The following FRMPD4 variants were observed in gnomAD, a reference collection of about 807,000 sequenced individuals.
FRMPD4 encodes FERM and PDZ domain-containing protein 4.
Under a neutral mutation model 94.1 loss-of-function variants are expected in FRMPD4, and 22 were observed. That is an observed-to-expected ratio of 0.23 (90% CI 0.17 to 0.33). The LOEUF is 0.33. Ranked by LOEUF, FRMPD4 falls within the 10% of genes least tolerant of loss-of-function variation. FRMPD4 has a pLI of 1.00. For synonymous variants in FRMPD4, 631 were observed against 548.6 expected (o/e 1.15, Z -2.10); for missense variants, 1,111 against 1,339.9 (o/e 0.83, Z 2.67).
intron 3 of FRMPD4, among the ~76,000 whole-genome samples, chrX:12,082,378 C>T (rs1195370581): frequency 8.9e-5 from 10 of 111,983 alleles, no homozygotes. Flanking sequence ...TCTCTTGCTA[C>T]TACCATGTAA....
At chrX:12,592,499 T>C (rs2058992593) in intron 2 of FRMPD4, among the ~76,000 whole-genome samples, 1 of 112,371 alleles carries the variant, frequency 8.9e-6, no homozygotes, top group South Asian at 3.7e-4. Flanking sequence ...AGCTTTGTAA[T>C]TTTAAATGAT....
intron 1 of FRMPD4, among the ~76,000 whole-genome samples, chrX:12,294,483 CACAG>C (rs989730009): frequency 3.5e-5 from 3 of 86,101 alleles, no homozygotes; most frequent in African/African-American, 8.7e-5. Flanking sequence ...CACACACACA[CACAG>C]AGAGAGAGAG....
chrX:12,044,869 T>C (rs990674004), intron 3 of FRMPD4, among the ~76,000 whole-genome samples: 2 of 112,092 alleles, frequency 1.8e-5, no homozygotes, highest in Non-Finnish European at 3.8e-5. Context: ...GAAAGTATTC[T>C]TTTTAATTAG....
chrX:12,417,317 G>A (rs1467063148), intron 1 of FRMPD4, among the ~76,000 whole-genome samples: 6 of 110,988 alleles, frequency 5.4e-5, no homozygotes, highest in Non-Finnish European at 7.6e-5. Flanking sequence ...GGTAGCTCAC[G>A]CCTGTAATCC....
At chrX:12,268,874 G>A (rs1187958541) in intron 1 of FRMPD4, among the ~76,000 whole-genome samples, 2 of 112,147 alleles carry the variant, frequency 1.8e-5, no homozygotes, top group Admixed American at 1.9e-4. Context: ...TCTGCTGGAA[G>A]TTTGGCCATA....
At chrX:12,224,844 G>A (rs192942552) in intron 1 of FRMPD4, among the ~76,000 whole-genome samples, 1 of 111,496 alleles carries the variant, frequency 9.0e-6, no homozygotes, top group Admixed American at 9.5e-5. Context: ...ATATTACTGG[G>A]ATAAAGGATT....
rs758308479 is a variant in FRMPD4, at chrX:12,706,913, G to A, written c.1285G>A (p.Val429Met). ...GGGCCGTGTGTTCAAGGCAACATTA[G>A]TGGTAATTTCTTTTTTTTTTTTTTT... ...YGGRVFKATL[V>M]QAEKRSEVTL... The change falls in exon 12 of 17, where the codon GTG (valine) becomes ATG (methionine). Residue 429 changes from valine to methionine, a missense_variant and splice_region_variant. By Grantham distance (21) the Val-to-Met change is conservative (BLOSUM62 1). Around this residue, in one of 8 missense-constraint regions of FRMPD4, gnomAD observed 111 missense variants for 160.7 expected, o/e 0.69. Coordinates refer to ENST00000675598, the MANE Select transcript of FRMPD4 (RefSeq NM_001368397.1). 5.8e-6 allele frequency: 5 copies of A among 859,048 alleles called. No individual in the cohort carries two copies. The highest frequency in any genetic ancestry group is 8.3e-6 in the Non-Finnish European group (5 of 602,446). The allele number at this position is 859,048 out of a possible 1,213,427, so 70.8% of individuals were successfully genotyped here.
chrX:12,262,166 T>C (rs756435070), intron 1 of FRMPD4, among the ~76,000 whole-genome samples: 1 of 112,434 alleles, frequency 8.9e-6, no homozygotes, highest in South Asian at 3.7e-4. Flanking sequence ...CATTGATTTG[T>C]ATAATGTCTG....
At chrX:11,902,016 A>G (rs947341497) in intron 3 of FRMPD4, among the ~76,000 whole-genome samples, 5 of 111,971 alleles carry the variant, frequency 4.5e-5, no homozygotes, top group African/African-American at 1.6e-4. Flanking sequence ...TGTTGAATGT[A>G]TAGTTTGTGA....
chrX:12,633,808 C>T (rs2059418792), intron 4 of FRMPD4, among the ~76,000 whole-genome samples: 2 of 112,180 alleles, frequency 1.8e-5, no homozygotes, highest in African/African-American at 3.2e-5. Context: ...ATTTCAACAT[C>T]TTCACTTATT....
chrX:12,200,724 T>C (rs559634291), intron 1 of FRMPD4, among the ~76,000 whole-genome samples: 1 of 112,126 alleles, frequency 8.9e-6, no homozygotes, highest in South Asian at 3.7e-4. Context: ...TTTTAAAAAT[T>C]ATCAAACAAG....
intron 1 of FRMPD4, among the ~76,000 whole-genome samples, chrX:12,497,961 C>A (rs2057870460): frequency 9.0e-6 from 1 of 111,276 alleles, no homozygotes; most frequent in South Asian, 3.8e-4. Flanking sequence ...GCCACACTCA[C>A]TAGCCTGGGT....
chrX:12,672,716 A>T (rs2059856344), intron 4 of FRMPD4, among the ~76,000 whole-genome samples: 1 of 111,607 alleles, frequency 9.0e-6, no homozygotes, highest in African/African-American at 3.3e-5. Context: ...GCACCCTGTA[A>T]CATATGAACA....
chrX:12,035,095 G>A (rs970978488), intron 3 of FRMPD4, among the ~76,000 whole-genome samples: 3 of 112,033 alleles, frequency 2.7e-5, no homozygotes, highest in African/African-American at 6.5e-5. Flanking sequence ...AGGATGCTCC[G>A]TTTTCAGACA....
At position 12,151,724 on chromosome X, in the gene FRMPD4, G is replaced by A. The variant is rs1601632812; in HGVS notation, c.41+12712G>A. On this transcript the variant is annotated intron_variant, in intron 1 of 16. Transcript: ENST00000675598. ...TCCTTAAGTTTTTACAAAATATTTT[G>A]TTCCCATATCATTAAACCTTCTTTA... 5.4e-5 allele frequency among the ~76,000 whole-genome samples: 6 copies of A among 111,466 alleles called. 1 individual carries two copies.
At chrX:12,601,354 G>A (rs1376694536) in intron 2 of FRMPD4, among the ~76,000 whole-genome samples, 3 of 111,852 alleles carry the variant, frequency 2.7e-5, no homozygotes, top group Non-Finnish European at 3.8e-5. Context: ...AGTTATGTGT[G>A]TTCATATAAA....
chrX:12,503,267 G>A (rs2148233692), intron 2 of FRMPD4, among the ~76,000 whole-genome samples: 1 of 111,842 alleles, frequency 8.9e-6, no homozygotes, highest in Admixed American at 9.5e-5. Context: ...GATTTTTCAA[G>A]TTATAAATTT....
chrX:11,989,891 G>A (rs2054454684), intron 3 of FRMPD4, among the ~76,000 whole-genome samples: 2 of 111,940 alleles, frequency 1.8e-5, no homozygotes, highest in Admixed American at 1.9e-4. Flanking sequence ...AGTAAGGAAA[G>A]GAGTTTAGTG....
intron 1 of FRMPD4, among the ~76,000 whole-genome samples, chrX:12,314,341 C>T (rs754268066): frequency 9.8e-5 from 11 of 111,722 alleles, no homozygotes; most frequent in Non-Finnish European, 1.7e-4. Flanking sequence ...AGTTATGAAG[C>T]GGGCTTCCTG....
Sources: gnomAD v4.1 joint callset for allele counts (sites outside exome capture counted in the v4.1 genomes callset) on GRCh38, gnomAD v4.1.1 for gene constraint, gnomAD v4.1.1 regional missense constraint, MANE v1.5 for transcripts, NCBI Gene and HGNC (gene_info 2026-07-23, HGNC 2026-07-21) for gene names.